The following PIN4 variants were observed in gnomAD, a reference collection of about 807,000 sequenced individuals.
PIN4 encodes the protein peptidylprolyl cis/trans isomerase, NIMA-interacting 4, also known as peptidyl-prolyl cis-trans isomerase NIMA-interacting 4.
In PIN4, 3 loss-of-function variants were observed where a neutral mutation model predicts 8.3. The ratio of observed to expected loss-of-function variants is 0.36; its 90% confidence interval spans 0.16 to 0.93. PIN4 has a LOEUF of 0.93. Among genes scored for constraint, PIN4 ranks in the 40% least tolerant of loss-of-function variants. The pLI, the probability that PIN4 is intolerant of heterozygous loss-of-function variation, is 0.44. For synonymous variants in PIN4, 18 were observed against 32.5 expected, an observed-to-expected ratio of 0.55 and a Z score of 1.52; for missense variants, 75 against 100.6, an observed-to-expected ratio of 0.75 and a Z score of 1.09.
intron 3 of PIN4, among the ~76,000 whole-genome samples, chrX:72,221,213 GTT>G (rs2042921264): frequency 9.0e-6 from 1 of 111,485 alleles, no homozygotes; most frequent in Non-Finnish European, 1.9e-5. Context: ...TGTGGCTCTG[GTT>G]TAAGGGGCCC....
chrX:72,230,678 C>T (rs928266641), intron 3 of PIN4, among the ~76,000 whole-genome samples: 1 of 112,138 alleles, frequency 8.9e-6, no homozygotes, highest in Admixed American at 9.5e-5. Context: ...CATGGACATT[C>T]TGGGCTGGGC....
Position 72,196,245 on chromosome X carries a change from G to A in PIN4, c.118-540G>A, listed in dbSNP as rs2042764459. On this transcript the variant is annotated intron_variant, in intron 2 of 3. Coordinates refer to ENST00000373669, the MANE Select transcript of PIN4 (RefSeq NM_006223.4). ...CATGAAGGTATATGGTAAAAGATGG[G>A]AGCTTCCCGGCCGTGAGCGGCGGCT... Among the ~76,000 whole-genome samples, 2 of 110,423 alleles carry A rather than the reference G, an allele frequency of 1.8e-5. 1 individual carries two copies. Among genetic ancestry groups the A allele is most frequent in the African/African-American group, 6.6e-5 (2 of 30,217 alleles).
At chrX:72,210,149 T>G (rs967189371) in intron 3 of PIN4, among the ~76,000 whole-genome samples, 6 of 107,361 alleles carry the variant, frequency 5.6e-5, no homozygotes, top group Non-Finnish European at 9.5e-5. Flanking sequence ...GAGGATCGCT[T>G]GAGGTCAGGA....
intron 3 of PIN4, among the ~76,000 whole-genome samples, chrX:72,222,622 G>A (rs1426707156): frequency 2.0e-5 from 2 of 99,848 alleles, no homozygotes; most frequent in African/African-American, 7.6e-5. Flanking sequence ...TTTTTAGATG[G>A]AGTCTCACTC....
chrX:72,262,124 C>A (rs1013970774), intron 3 of PIN4, among the ~76,000 whole-genome samples: 2 of 112,096 alleles, frequency 1.8e-5, no homozygotes, highest in Non-Finnish European at 3.8e-5. Context: ...TCTCAGACCA[C>A]CTATCACAAC....
At chrX:72,239,080 C>A in intron 3 of PIN4, 1 of 468,599 alleles carries the variant, frequency 2.1e-6, no homozygotes, top group Non-Finnish European at 3.5e-6. Flanking sequence ...CGCGGCCGGC[C>A]AATCCGCGAC....
downstream of PIN4, among the ~76,000 whole-genome samples, chrX:72,202,560 G>T (rs931645193): frequency 8.9e-6 from 1 of 111,766 alleles, no homozygotes; most frequent in Non-Finnish European, 1.9e-5. Context: ...TGTGTAGGGC[G>T]CAGCTACTCC....
intron 3 of PIN4, among the ~76,000 whole-genome samples, chrX:72,215,935 A>G (rs759995894): frequency 9.1e-6 from 1 of 110,370 alleles, no homozygotes; most frequent in Non-Finnish European, 1.9e-5. Flanking sequence ...CTCCATCCAC[A>G]TATCCCCTAT....
chrX:72,234,579 C>G lies in PIN4; in HGVS notation c.313-28128C>G, dbSNP rs761571976. ...CAATAACTGGAAATGAAAATAGGAT[C>G]AAGAGAGGATTTTTTTTTTTAACAA... is the stretch of plus-strand genomic sequence containing the variant. On this transcript the variant is annotated intron_variant, in intron 3 of 3. Transcript: ENST00000423432. Among the ~76,000 whole-genome samples the G allele has an allele frequency of 1.1e-3, 126 of 110,466 alleles. No individual in the cohort carries two copies. In the South Asian group the frequency reaches 0.015, roughly 13 times the overall value.
chrX:72,185,005 G>A (rs907869869), intron 1 of PIN4, among the ~76,000 whole-genome samples: 3 of 108,762 alleles, frequency 2.8e-5, no homozygotes, highest in Admixed American at 9.8e-5. Context: ...TTAGCGGGGC[G>A]TGGTGGCAGG....
intron 1 of PIN4, 152 bp from the exon 2 acceptor site, chrX:72,186,309 A>T (rs964064193): frequency 3.9e-6 from 2 of 513,802 alleles, no homozygotes; most frequent in African/African-American, 4.7e-5. Context: ...AGGGAAGCTG[A>T]AAGGTTGGAT....
chrX:72,222,595 C>CT (rs758259884), intron 3 of PIN4, among the ~76,000 whole-genome samples: 3,303 of 84,917 alleles, frequency 0.039, 214 homozygotes, highest in African/African-American at 0.13. Context: ...AGAATCCAGC[C>CT]TTTTTTTTTT....
At chrX:72,233,811 G>A (rs926924802) in intron 3 of PIN4, among the ~76,000 whole-genome samples, 1 of 108,787 alleles carries the variant, frequency 9.2e-6, no homozygotes, top group Non-Finnish European at 1.9e-5. Flanking sequence ...TGGTGGTTTT[G>A]TAAGAATATG....
chrX:72,186,288 C>T (rs1414639728), intron 1 of PIN4, 173 bp from the exon 2 acceptor site: 2 of 500,136 alleles, frequency 4.0e-6, no homozygotes, highest in Middle Eastern at 3.3e-4. Context: ...ATAATTCTTC[C>T]ATTGTGGCCC....
At chrX:72,257,509 A>G (rs747564007) in intron 3 of PIN4, among the ~76,000 whole-genome samples, 25 of 111,434 alleles carry the variant, frequency 2.2e-4, no homozygotes, top group Admixed American at 9.6e-5. Context: ...AACCCAGATG[A>G]AAGCTGATTG....
intron 3 of PIN4, among the ~76,000 whole-genome samples, chrX:72,258,132 T>C (rs2043120778): frequency 9.1e-6 from 1 of 109,665 alleles, no homozygotes; most frequent in Admixed American, 9.7e-5. Context: ...GTGTGGAGAC[T>C]GTGGACTGTG....
chrX:72,224,075 C>A (rs2042941079), intron 3 of PIN4, among the ~76,000 whole-genome samples: 1 of 111,443 alleles, frequency 9.0e-6, no homozygotes, highest in South Asian at 3.8e-4. Flanking sequence ...GAATCCTTCA[C>A]CCCCACATCC....
chrX:72,248,834 G>A (rs749513580), intron 3 of PIN4, among the ~76,000 whole-genome samples: 7 of 109,728 alleles, frequency 6.4e-5, no homozygotes, highest in Non-Finnish European at 1.3e-4. Context: ...CTGAGATTGC[G>A]CCACTGCACT....
chrX:72,207,837 T>A, intron 3 of PIN4: 1 of 1,207,300 alleles, frequency 8.3e-7, no homozygotes. Flanking sequence ...ATATTTTAAA[T>A]CCCAAGGCTT....
Sources: gnomAD v4.1 joint callset for allele counts (sites outside exome capture counted in the v4.1 genomes callset) on GRCh38, gnomAD v4.1.1 for gene constraint, MANE v1.5 for transcripts, NCBI Gene and HGNC (gene_info 2026-07-23, HGNC 2026-07-21) for gene names.